Variants in ZRANB3 observed in about 807,000 individuals in gnomAD.
ZRANB3 encodes the protein DNA annealing helicase and endonuclease ZRANB3.
A neutral mutation model predicts 133.8 loss-of-function variants in ZRANB3; 125 were observed. The observed-to-expected ratio is 0.93, with a 90% CI of 0.81 to 1.08. The LOEUF is 1.08. Ranked by LOEUF, ZRANB3 falls within the 50% of genes least tolerant of loss-of-function variation. The pLI, the probability that ZRANB3 is intolerant of heterozygous loss-of-function variation, is 0.00. For synonymous variants in ZRANB3, 387 were observed against 432.7 expected (o/e 0.89, Z 1.31); for missense variants, 1,229 against 1,275.5 (o/e 0.96, Z 0.56).
chr2:135,414,749 ACT>A (rs1204477465), intron 2 of ZRANB3, among the ~76,000 whole-genome samples: 1 of 152,102 alleles, frequency 6.6e-6, no homozygotes, highest in African/African-American at 2.4e-5. Flanking sequence ...ATTATAACAA[ACT>A]CTCTCTCAGA....
chr2:135,523,872 G>A (rs1274681992), intron 1 of ZRANB3, among the ~76,000 whole-genome samples: 2 of 152,344 alleles, frequency 1.3e-5, no homozygotes, highest in East Asian at 3.9e-4. Flanking sequence ...GGTGAAGATT[G>A]TGGGCCATGA....
chr2:135,482,278 C>A, intron 2 of ZRANB3, among the ~76,000 whole-genome samples: 1 of 131,550 alleles, frequency 7.6e-6, no homozygotes, highest in African/African-American at 3.7e-5. Context: ...TGTTTGTATC[C>A]TCTTTTATTT....
chr2:135,266,001 G>A (rs1474158594), intron 11 of ZRANB3, among the ~76,000 whole-genome samples: 1 of 152,058 alleles, frequency 6.6e-6, no homozygotes, highest in Non-Finnish European at 1.5e-5. Context: ...CTGAGGTCAG[G>A]AGTTTGAGAC....
chr2:135,503,786 C>G (rs1160311278), intron 2 of ZRANB3, among the ~76,000 whole-genome samples: 1 of 151,940 alleles, frequency 6.6e-6, no homozygotes, highest in Non-Finnish European at 1.5e-5. Context: ...ATGGTGAAAA[C>G]CCATCCCTTA....
At chr2:135,426,909 T>A in intron 2 of ZRANB3, among the ~76,000 whole-genome samples, 2 of 87,688 alleles carry the variant, frequency 2.3e-5, no homozygotes, top group Non-Finnish European at 4.1e-5. Flanking sequence ...TATATATATA[T>A]ATGTGCAAAT....
At chr2:135,461,038 A>C (rs1027303794) in intron 2 of ZRANB3, among the ~76,000 whole-genome samples, 5 of 152,182 alleles carry the variant, frequency 3.3e-5, no homozygotes, top group Admixed American at 2.6e-4. Context: ...CACATCTGTA[A>C]ATATAAAACA....
intron 6 of ZRANB3, among the ~76,000 whole-genome samples, chr2:135,335,334 T>C: frequency 6.6e-6 from 1 of 152,028 alleles, no homozygotes; most frequent in Non-Finnish European, 1.5e-5. Flanking sequence ...ATCTTAACAG[T>C]AATTCAAACA....
intron 12 of ZRANB3, among the ~76,000 whole-genome samples, chr2:135,233,870 A>T (rs533830816): frequency 6.6e-6 from 1 of 152,362 alleles, no homozygotes; most frequent in Admixed American, 6.5e-5. Context: ...CGAGGCTAGG[A>T]AGAAACTGCA....
intron 8 of ZRANB3, among the ~76,000 whole-genome samples, chr2:135,284,488 T>C (rs1449768190): frequency 1.3e-5 from 2 of 152,248 alleles, no homozygotes; most frequent in African/African-American, 4.8e-5. Context: ...TTGTTTGCTT[T>C]TGAGACGGAG....
chr2:135,422,855 G>A (rs1458942773), intron 2 of ZRANB3, among the ~76,000 whole-genome samples: 3 of 152,188 alleles, frequency 2.0e-5, no homozygotes, highest in Non-Finnish European at 2.9e-5. Flanking sequence ...GGCTGAAACA[G>A]AGTATTTTAG....
intron 2 of ZRANB3, among the ~76,000 whole-genome samples, chr2:135,470,646 C>A (rs1396762756): frequency 6.6e-6 from 1 of 151,904 alleles, no homozygotes; most frequent in East Asian, 1.9e-4. Context: ...AAGATCACGC[C>A]ACTGCACTCC....
chr2:135,419,437 CTAAA>C (rs1688739409), intron 2 of ZRANB3, among the ~76,000 whole-genome samples: 1 of 151,678 alleles, frequency 6.6e-6, no homozygotes. Flanking sequence ...GAAAGATAAC[CTAAA>C]TAACAGGAAG....
chr2:135,452,207 G>A (rs559048597), intron 2 of ZRANB3, among the ~76,000 whole-genome samples: 1 of 152,226 alleles, frequency 6.6e-6, no homozygotes, highest in African/African-American at 2.4e-5. Context: ...CAGATCTTGT[G>A]AAACTTTATT....
intron 8 of ZRANB3, among the ~76,000 whole-genome samples, chr2:135,279,541 T>C (rs971578108): frequency 2.0e-5 from 3 of 152,060 alleles, no homozygotes; most frequent in African/African-American, 7.2e-5. Context: ...CAAGATGGAG[T>C]ACTTTTAAGG....
Position 135,425,265 on chromosome 2 carries a change from C to T in ZRANB3, c.162-34445G>A, listed in dbSNP as rs561695799. ...AAAGAAAAAAACAAAACAATAGCTA[C>T]GCAGCATACCCAGCAACAAATTGTA... On this transcript the variant is annotated intron_variant, in intron 2 of 20. Coordinates refer to ENST00000264159, the MANE Select transcript of ZRANB3 (RefSeq NM_032143.4). Among the ~76,000 whole-genome samples, 8 of 152,178 alleles carry T rather than the reference C, an allele frequency of 5.3e-5. No individual in the cohort carries two copies. In the East Asian group the frequency reaches 7.7e-4, roughly 15 times the overall value.
At chr2:135,471,246 G>C (rs1020641489) in intron 2 of ZRANB3, among the ~76,000 whole-genome samples, 2 of 152,034 alleles carry the variant, frequency 1.3e-5, no homozygotes, top group African/African-American at 4.8e-5. Context: ...GCTTTTTCTA[G>C]TGTGGGTGTC....
intron 3 of ZRANB3, among the ~76,000 whole-genome samples, chr2:135,380,122 T>C (rs1194221430): frequency 1.3e-5 from 2 of 152,180 alleles, no homozygotes; most frequent in African/African-American, 4.8e-5. Context: ...CTATCCTAAA[T>C]ATACATGCAC....
intron 2 of ZRANB3, among the ~76,000 whole-genome samples, chr2:135,395,660 T>G (rs1446835402): frequency 6.6e-6 from 1 of 151,822 alleles, no homozygotes; most frequent in Non-Finnish European, 1.5e-5. Flanking sequence ...GTTTCACCAT[T>G]TTGGCCAGGC....
intron 8 of ZRANB3, among the ~76,000 whole-genome samples, chr2:135,297,680 C>G (rs1196820435): frequency 6.6e-6 from 1 of 152,246 alleles, no homozygotes; most frequent in East Asian, 1.9e-4. Flanking sequence ...ACGCTGGGAG[C>G]TGTAGACTGG....
Sources: gnomAD v4.1 joint callset for allele counts (sites outside exome capture counted in the v4.1 genomes callset) on GRCh38, gnomAD v4.1.1 for gene constraint, MANE v1.5 for transcripts, NCBI Gene and HGNC (gene_info 2026-07-23, HGNC 2026-07-21) for gene names.